Variants in RPS6KA5 observed in about 807,000 individuals in gnomAD.
RPS6KA5 encodes the protein ribosomal protein S6 kinase A5.
RPS6KA5 carries 27 observed loss-of-function variants against 85.5 expected under a neutral mutation model. That is an observed-to-expected ratio of 0.32 (90% CI 0.23 to 0.44). The LOEUF (loss-of-function observed/expected upper bound fraction) is 0.44. RPS6KA5 is among the 20% of genes least tolerant of loss of function. The pLI is 1.00. For synonymous variants in RPS6KA5, 334 were observed against 348.2 expected, an observed-to-expected ratio of 0.96 and a Z score of 0.46; for missense variants, 811 against 980.9, an observed-to-expected ratio of 0.83 and a Z score of 2.31.
intron 2 of RPS6KA5, among the ~76,000 whole-genome samples, chr14:90,995,431 T>C (rs1326740158): frequency 1.3e-5 from 2 of 152,168 alleles, no homozygotes; most frequent in Non-Finnish European, 2.9e-5. Flanking sequence ...GCCAGAAAAG[T>C]TTCCCCTCTA....
At chr14:91,004,738 C>A (rs1020532202) in intron 1 of RPS6KA5, among the ~76,000 whole-genome samples, 4 of 151,850 alleles carry the variant, frequency 2.6e-5, no homozygotes, top group Admixed American at 2.6e-4. Flanking sequence ...GAGGCCGAGG[C>A]GGGTGGATCA....
In RPS6KA5 at chr14:90,867,549, ATAC is replaced by A. The variant is rs1351166269; in HGVS notation, c.*4522_*4524del. On this transcript the variant is annotated 3_prime_UTR_variant, in exon 17 of 17. Coordinates refer to ENST00000614987, the MANE Select transcript of RPS6KA5 (RefSeq NM_004755.4). Reference sequence around the variant, plus strand: ...AAGCAGCATTATATTAATAGTTAGAATACTACTACAAAATGTCCTTCTACCTCT... The same window carrying A: ...AAGCAGCATTATATTAATAGTTAGAATACTACAAAATGTCCTTCTACCTCT... 1.3e-5 allele frequency: 2 copies of A among 152,198 alleles called. No homozygotes were observed. Among genetic ancestry groups the A allele is most frequent in the Non-Finnish European group, 2.9e-5 (2 of 68,016 alleles). The allele number at this position is 152,198 out of a possible 1,614,324, so 9.4% of individuals were successfully genotyped here.
intron 1 of RPS6KA5, among the ~76,000 whole-genome samples, chr14:91,029,489 T>C (rs1366009433): frequency 6.6e-6 from 1 of 152,208 alleles, no homozygotes; most frequent in Non-Finnish European, 1.5e-5. Flanking sequence ...CAAGTTCACA[T>C]TGCATGTAGG....
chr14:90,915,372 G>T (rs1007105580), intron 7 of RPS6KA5, among the ~76,000 whole-genome samples: 2 of 152,130 alleles, frequency 1.3e-5, no homozygotes, highest in Admixed American at 6.5e-5. Flanking sequence ...AGGTTACAAG[G>T]CATCCCATCT....
chr14:91,022,715 C>T (rs2041832736), intron 1 of RPS6KA5, among the ~76,000 whole-genome samples: 1 of 152,134 alleles, frequency 6.6e-6, no homozygotes, highest in East Asian at 1.9e-4. Context: ...AAACTAAAAT[C>T]GGGAACAAGT....
intron 2 of RPS6KA5, among the ~76,000 whole-genome samples, chr14:91,000,250 T>C (rs2040727063): frequency 6.6e-6 from 1 of 152,220 alleles, no homozygotes; most frequent in Non-Finnish European, 1.5e-5. Context: ...TTTGGAGAGC[T>C]TTCCAAAATA....
intron 3 of RPS6KA5, among the ~76,000 whole-genome samples, chr14:90,950,722 T>C (rs1044008816): frequency 6.6e-6 from 1 of 152,222 alleles, no homozygotes; most frequent in Admixed American, 6.5e-5. Flanking sequence ...AATCTTGCAC[T>C]ACTGTGATAG....
chr14:91,012,695 C>G (rs1017997911), intron 1 of RPS6KA5, among the ~76,000 whole-genome samples: 2 of 152,170 alleles, frequency 1.3e-5, no homozygotes, highest in African/African-American at 4.8e-5. Context: ...AGTGAGGACA[C>G]AGCTCACCAA....
intron 1 of RPS6KA5, among the ~76,000 whole-genome samples, chr14:91,033,076 A>T (rs2042253407): frequency 6.6e-6 from 1 of 151,698 alleles, no homozygotes; most frequent in Admixed American, 6.6e-5. Context: ...AGACCCAGCT[A>T]CTCGGGAGGC....
chr14:91,003,823 T>G, intron 1 of RPS6KA5, among the ~76,000 whole-genome samples: 1 of 152,224 alleles, frequency 6.6e-6, no homozygotes, highest in East Asian at 1.9e-4. Context: ...CCTGGGCTTA[T>G]GAAGAAAAAC....
chr14:90,942,628 G>A (rs954767717), intron 5 of RPS6KA5, among the ~76,000 whole-genome samples: 7 of 152,020 alleles, frequency 4.6e-5, no homozygotes, highest in African/African-American at 1.7e-4. Context: ...TTAAAAATTG[G>A]GTCTAGTAGA....
chr14:90,854,411 C>A lies in RPS6KA5; in HGVS notation c.*17663G>T, dbSNP rs1014684801. The A allele has an allele frequency of 5.3e-5, 8 of 152,074 alleles. No individual in the cohort carries two copies. The highest frequency in any genetic ancestry group is 1.2e-4 in the Non-Finnish European group (8 of 68,002). 9.4% of individuals were successfully genotyped at this position (152,074 alleles called of 1,614,324 possible). On this transcript the variant is annotated 3_prime_UTR_variant, in exon 17 of 17. Transcript: ENST00000614987. ...ATGAAGATTATGTATTATATAGTCA[C>A]AAATTTTTATTTTAGATTTCACAAT...
At chr14:90,907,677 C>T (rs1196287407) in intron 7 of RPS6KA5, among the ~76,000 whole-genome samples, 2 of 151,978 alleles carry the variant, frequency 1.3e-5, no homozygotes, top group Non-Finnish European at 1.5e-5. Flanking sequence ...TTCTGGGAAC[C>T]CAAGAAAATG....
chr14:91,017,316 C>A (rs2041546192), intron 1 of RPS6KA5, among the ~76,000 whole-genome samples: 1 of 152,200 alleles, frequency 6.6e-6, no homozygotes, highest in Non-Finnish European at 1.5e-5. Context: ...TACAGATTTG[C>A]CTTCCCTGCA....
chr14:90,937,881 G>A (rs920530279), intron 5 of RPS6KA5, among the ~76,000 whole-genome samples: 6 of 151,974 alleles, frequency 3.9e-5, no homozygotes, highest in African/African-American at 1.2e-4. Context: ...ATTTGGGTGG[G>A]GACACAGCCA....
At chr14:91,048,362 A>G (rs2042951219) in intron 1 of RPS6KA5, among the ~76,000 whole-genome samples, 1 of 152,224 alleles carries the variant, frequency 6.6e-6, no homozygotes, top group Non-Finnish European at 1.5e-5. Context: ...CTGACTATAT[A>G]AAAAGAAGCA....
intron 3 of RPS6KA5, among the ~76,000 whole-genome samples, chr14:90,971,782 T>TA (rs2039332746): frequency 1.3e-5 from 2 of 152,086 alleles, no homozygotes; most frequent in African/African-American, 4.8e-5. Flanking sequence ...AAAACATCTT[T>TA]AAAAACAGCA....
chr14:90,967,895 GTCTT>G (rs1427228128), intron 3 of RPS6KA5, among the ~76,000 whole-genome samples: 2 of 152,082 alleles, frequency 1.3e-5, no homozygotes, highest in Non-Finnish European at 2.9e-5. Flanking sequence ...GTCCCATCTT[GTCTT>G]TCTTCTTTAT....
chr14:91,043,546 T>C (rs896577363), intron 1 of RPS6KA5, among the ~76,000 whole-genome samples: 4 of 152,188 alleles, frequency 2.6e-5, no homozygotes, highest in Non-Finnish European at 5.9e-5. Context: ...TTCCTATACG[T>C]AGATTGGAAG....
Sources: allele counts gnomAD v4.1 joint callset (sites outside exome capture counted in the v4.1 genomes callset), GRCh38; gene constraint gnomAD v4.1.1; transcripts MANE v1.5; gene names NCBI Gene and HGNC (gene_info 2026-07-23, HGNC 2026-07-21).